Variants in GSAP observed in about 807,000 individuals in gnomAD.
GSAP encodes the protein gamma-secretase-activating protein.
GSAP carries 118 observed loss-of-function variants against 131.7 expected under a neutral mutation model. The observed-to-expected ratio is 0.90, with a 90% CI of 0.77 to 1.04. GSAP has a LOEUF of 1.04. Among genes scored for constraint, GSAP ranks in the 50% least tolerant of loss-of-function variants. The pLI is 0.00. For missense variants in GSAP, 1,019 were observed against 1,013.2 expected, an observed-to-expected ratio of 1.01 and a Z score of -0.08; for synonymous variants, 381 against 363.4, an observed-to-expected ratio of 1.05 and a Z score of -0.55.
In GSAP at chr7:77,347,326, C is replaced by A. The variant is rs533008631; in HGVS notation, c.1545+2025G>T. Among the ~76,000 whole-genome samples the A allele has an allele frequency of 3.9e-5, 6 of 152,256 alleles. No homozygotes were observed. In the South Asian group the frequency reaches 1.2e-3, roughly 32 times the overall value. On this transcript the variant is annotated intron_variant, in intron 19 of 30. Transcript: ENST00000257626. Reference sequence around the variant, plus strand: ...CAGAAGTTCCAGAGGTCTGGACTTGCACCTGTTATCTGGGGGTGTGGAGGG... The same window carrying A: ...CAGAAGTTCCAGAGGTCTGGACTTGAACCTGTTATCTGGGGGTGTGGAGGG...
chr7:77,328,709 G>C (rs1323431328), intron 21 of GSAP, 72 bp from the exon 22 acceptor site: 1 of 875,674 alleles, frequency 1.1e-6, no homozygotes, highest in Non-Finnish European at 1.9e-6. Context: ...ATCATACAAA[G>C]ATATCCTCCT....
chr7:77,365,268 G>A (rs1363912663), intron 12 of GSAP, among the ~76,000 whole-genome samples: 1 of 152,062 alleles, frequency 6.6e-6, no homozygotes, highest in Non-Finnish European at 1.5e-5. Flanking sequence ...GGGTACATGT[G>A]AAGGTTTGTT....
Position 77,409,199 on chromosome 7 carries a change from G to A in GSAP, c.110-3094C>T, listed in dbSNP as rs527644339. Reference sequence around the variant, plus strand: ...ACTAGGATTTAAATAATCAGTTCATGGGCCAAGCATGATGACTCACGCCTG... The same window carrying A: ...ACTAGGATTTAAATAATCAGTTCATAGGCCAAGCATGATGACTCACGCCTG... On this transcript the variant is annotated intron_variant, in intron 1 of 30. Coordinates refer to ENST00000257626, the MANE Select transcript of GSAP (RefSeq NM_017439.4). 2.6e-5 allele frequency among the ~76,000 whole-genome samples: 4 copies of A among 152,206 alleles called. No individual in the cohort carries two copies. The South Asian group carries it at 8.3e-4, about 32-fold the overall frequency.
chr7:77,342,304 G>A (rs1484852577), intron 19 of GSAP, among the ~76,000 whole-genome samples: 1 of 152,092 alleles, frequency 6.6e-6, no homozygotes, highest in Non-Finnish European at 1.5e-5. Flanking sequence ...TTCTTTTCAA[G>A]GGCCTGTTTC....
At chr7:77,359,159 C>T (rs2150901363) in intron 14 of GSAP, among the ~76,000 whole-genome samples, 1 of 152,144 alleles carries the variant, frequency 6.6e-6, no homozygotes, top group South Asian at 2.1e-4. Context: ...TGAAATTGCA[C>T]CACTGCACTC....
chr7:77,415,099 A>G (rs1804114316), intron 1 of GSAP, among the ~76,000 whole-genome samples: 1 of 152,160 alleles, frequency 6.6e-6, no homozygotes, highest in Admixed American at 6.5e-5. Flanking sequence ...CATGACACTA[A>G]TGCAAACTCA....
At chr7:77,344,433 A>G (rs1366943860) in intron 19 of GSAP, among the ~76,000 whole-genome samples, 1 of 152,104 alleles carries the variant, frequency 6.6e-6, no homozygotes, top group African/African-American at 2.4e-5. Context: ...AGCCCATTTG[A>G]GCTTCTGTAT....
At chr7:77,392,633 G>T (rs1799767433) in intron 5 of GSAP, among the ~76,000 whole-genome samples, 2 of 152,192 alleles carry the variant, frequency 1.3e-5, no homozygotes, top group Admixed American at 1.3e-4. Flanking sequence ...ACCACAAGGA[G>T]AGACAGCAGG....
chr7:77,311,541 A>G (rs1794356611), intron 30 of GSAP, 92 bp from the exon 31 acceptor site: 1 of 666,712 alleles, frequency 1.5e-6, no homozygotes, highest in Admixed American at 2.7e-5. Context: ...TTAAAATCAT[A>G]ATTGTATTTT....
chr7:77,374,418 C>T (rs1796554347), intron 11 of GSAP, among the ~76,000 whole-genome samples: 1 of 152,072 alleles, frequency 6.6e-6, no homozygotes, highest in Non-Finnish European at 1.5e-5. Context: ...GTAATGCACA[C>T]ACTAGTTTCA....
At position 77,364,635 on chromosome 7, in the gene GSAP, C is replaced by T. The variant is rs552476225; in HGVS notation, c.872-1975G>A. On this transcript the variant is annotated intron_variant, in intron 12 of 30. Transcript: ENST00000257626. Reference sequence around the variant, plus strand: ...CATTTATACACATGTAACTAACCTGCACATTGTGCACATGTACCCTAAAAC... The same window carrying T: ...CATTTATACACATGTAACTAACCTGTACATTGTGCACATGTACCCTAAAAC... Among the ~76,000 whole-genome samples, 34 of 152,100 alleles carry T rather than the reference C, an allele frequency of 2.2e-4. No homozygotes were observed. The South Asian group carries it at 6.6e-3, about 30-fold the overall frequency.
chr7:77,398,305 A>G lies in GSAP; in HGVS notation c.244-890T>C, dbSNP rs1350915649. ...CTAGAAGTTGATGGGAAAAGCTGGG[A>G]AAGTTAGGGAACAATTGATTACAGA... On this transcript the variant is annotated intron_variant, in intron 3 of 30. Transcript: ENST00000257626. 2.0e-5 allele frequency among the ~76,000 whole-genome samples: 3 copies of G among 152,336 alleles called. No homozygotes were observed. The South Asian group carries it at 6.2e-4, about 32-fold the overall frequency.
At chr7:77,324,651 G>A (rs1644522180) in intron 23 of GSAP, among the ~76,000 whole-genome samples, 1 of 152,072 alleles carries the variant, frequency 6.6e-6, no homozygotes, top group African/African-American at 2.4e-5. Flanking sequence ...AATAAAAGAT[G>A]CTTTCTGTGT....
intron 22 of GSAP, chr7:77,328,202 G>A: frequency 1.0e-6 from 1 of 1,001,128 alleles, no homozygotes; most frequent in Non-Finnish European, 1.2e-6. Context: ...TAGGACCTGT[G>A]TGCCCAATTT....
At position 77,345,811 on chromosome 7, in the gene GSAP, AG is replaced by A. The variant is rs538169043; in HGVS notation, c.1545+3539del. 1.9e-3 allele frequency among the ~76,000 whole-genome samples: 284 copies of A among 152,242 alleles called. 1 individual carries two copies. The highest frequency in any genetic ancestry group is 6.4e-3 in the African/African-American group (266 of 41,560). On this transcript the variant is annotated intron_variant, in intron 19 of 30. Coordinates refer to ENST00000257626, the MANE Select transcript of GSAP (RefSeq NM_017439.4). ...TTTCGGACTCAGCCCGCCTGCACCC[AG>A]GTGATTAAAAAGCTCTATTGCTCAC...
chr7:77,403,567 G>T (rs1189302668), intron 3 of GSAP, among the ~76,000 whole-genome samples: 5 of 145,228 alleles, frequency 3.4e-5, no homozygotes, highest in Admixed American at 3.4e-4. Flanking sequence ...GAGTAATTTG[G>T]GGAAAAAAAT....
intron 19 of GSAP, among the ~76,000 whole-genome samples, chr7:77,331,408 G>A (rs897027568): frequency 6.6e-6 from 1 of 152,222 alleles, no homozygotes; most frequent in Non-Finnish European, 1.5e-5. Flanking sequence ...GCCAAAATAT[G>A]TGCATTTACA....
intron 6 of GSAP, 23 bp downstream of exon 6, chr7:77,387,337 T>G (rs772311406): frequency 8.4e-7 from 1 of 1,187,534 alleles, no homozygotes; most frequent in Admixed American, 1.7e-5. Context: ...ATGAGATAAG[T>G]GATAAATGGC....
intron 19 of GSAP, among the ~76,000 whole-genome samples, chr7:77,341,457 G>C (rs560092895): frequency 2.6e-5 from 4 of 152,040 alleles, no homozygotes; most frequent in African/African-American, 4.8e-5. Flanking sequence ...TTCATTCCAC[G>C]ACTAGCCCTT....
Sources: allele counts gnomAD v4.1 joint callset (sites outside exome capture counted in the v4.1 genomes callset), GRCh38; gene constraint gnomAD v4.1.1; transcripts MANE v1.5; gene names NCBI Gene and HGNC (gene_info 2026-07-23, HGNC 2026-07-21).